The following SETDB1 variants were observed in gnomAD, a reference collection of about 807,000 sequenced individuals.
SETDB1 encodes the protein histone-lysine N-methyltransferase SETDB1.
SETDB1 carries 31 observed loss-of-function variants against 137.4 expected under a neutral mutation model. The ratio of observed to expected loss-of-function variants is 0.23; its 90% CI spans 0.17 to 0.30. The LOEUF (loss-of-function observed/expected upper bound fraction) is 0.30, where lower values mean the gene tolerates loss of function less well. SETDB1 is among the 10% of genes least tolerant of loss of function. The pLI, the probability that SETDB1 is intolerant of heterozygous loss-of-function variation, is 1.00. For missense variants in SETDB1, 1,113 were observed against 1,631.5 expected (o/e 0.68, Z 5.47); for synonymous variants, 548 against 579.9 (o/e 0.95, Z 0.79).
At chr1:150,959,888 A>G (rs1030759559) in intron 15 of SETDB1, among the ~76,000 whole-genome samples, 5 of 152,044 alleles carry the variant, frequency 3.3e-5, no homozygotes, top group Non-Finnish European at 7.4e-5. Context: ...CCTGGCCAAC[A>G]TAGTTGAAAC....
At chr1:150,962,859 G>C in intron 18 of SETDB1, 115 bp from the exon 19 acceptor site, 2 of 1,456,400 alleles carry the variant, frequency 1.4e-6, no homozygotes, top group African/African-American at 2.8e-5. Flanking sequence ...CTTTCATCCA[G>C]CATCTAATCT....
intron 13 of SETDB1, 58 bp downstream of exon 13, chr1:150,951,148 C>G: frequency 6.5e-7 from 1 of 1,532,024 alleles, no homozygotes; most frequent in Non-Finnish European, 8.9e-7. Context: ...GTGTCTGTTT[C>G]ACCTCTTCCT....
Position 150,950,908 on chromosome 1 carries a change from C to T in SETDB1, c.2034C>T (p.Tyr678=), listed in dbSNP as rs757776938. Reference sequence around the variant, plus strand: ...AGTTTCAGCCCTATAAGCCTTTTTACTATATTTTGGACATCACTTATGGGA... The same window carrying T: ...AGTTTCAGCCCTATAAGCCTTTTTATTATATTTTGGACATCACTTATGGGA... The part of the protein sequence containing the change: ...DRKFQPYKPF[Y]YILDITYGKE... Residue 678 remains tyrosine, a synonymous_variant, in exon 13 of 22, where the codon TAC becomes TAT. Transcript: ENST00000692827. The T allele has an allele frequency of 2.5e-6, 4 of 1,614,048 alleles. No individual in the cohort carries two copies. Among genetic ancestry groups the T allele is most frequent in the Non-Finnish European group, 3.4e-6 (4 of 1,179,996 alleles).
At position 150,964,366 on chromosome 1, in the gene SETDB1, G is replaced by C. The variant is rs776189568; in HGVS notation, c.*2G>C. The C allele has an allele frequency of 6.3e-7, 1 of 1,599,852 alleles. No individual in the cohort carries two copies. Among genetic ancestry groups the C allele is most frequent in the Non-Finnish European group, 8.6e-7 (1 of 1,167,214 alleles). Reference sequence around the variant, plus strand: ...GAATGCAGAGGACGTCTTCTTTAGAGGACAGCCTTCTTCCCAACCCTTCTT... The same window carrying C: ...GAATGCAGAGGACGTCTTCTTTAGACGACAGCCTTCTTCCCAACCCTTCTT... On this transcript the variant is annotated 3_prime_UTR_variant, in exon 22 of 22. Transcript: ENST00000692827.
chr1:150,950,467 A>C lies in SETDB1; in HGVS notation c.1593A>C (p.Leu531Phe), dbSNP rs771240739. ...PGINQTYRSP[L>F]GSTASAPAPS... Reference sequence around the variant, plus strand: ...TGCATCTCATTTGCAGATCACCTTTAGGCTCCACAGCCTCTGCCCCAGCAC... The same window carrying C: ...TGCATCTCATTTGCAGATCACCTTTCGGCTCCACAGCCTCTGCCCCAGCAC... Residue 531 changes from leucine (L) to phenylalanine (F), a missense_variant, in exon 13 of 22, where the codon TTA becomes TTC. Physicochemically the swap from Leu to Phe is conservative, Grantham distance 22. Coordinates refer to ENST00000692827, the MANE Select transcript of SETDB1 (RefSeq NM_001366418.1). 1.3e-6 allele frequency: 2 copies of C among 1,594,828 alleles called. No homozygotes were observed. Among genetic ancestry groups the C allele is most frequent in the South Asian group, 2.3e-5 (2 of 88,796 alleles).
chr1:150,939,626 A>G (rs77522380), intron 3 of SETDB1, among the ~76,000 whole-genome samples: 1 of 151,732 alleles, frequency 6.6e-6, no homozygotes, highest in East Asian at 2.0e-4. Flanking sequence ...CGCCTGGCCT[A>G]ATTTTTTTTT....
intron 14 of SETDB1, among the ~76,000 whole-genome samples, chr1:150,955,518 T>A (rs150310721): frequency 6.6e-6 from 1 of 152,208 alleles, no homozygotes; most frequent in Non-Finnish European, 1.5e-5. Context: ...TCCTTCCACT[T>A]TTCTTTGTGT....
intron 9 of SETDB1, among the ~76,000 whole-genome samples, chr1:150,946,250 C>G (rs1009705202): frequency 6.6e-6 from 1 of 151,706 alleles, no homozygotes; most frequent in Non-Finnish European, 1.5e-5. Context: ...AACTCCTGAG[C>G]TCAAGCAGTC....
intron 4 of SETDB1, 120 bp from the exon 5 acceptor site, chr1:150,941,209 G>A: frequency 1.6e-6 from 1 of 606,632 alleles, no homozygotes; most frequent in Non-Finnish European, 3.0e-6. Context: ...GTAACCATAA[G>A]CTTCCAAACA....
Position 150,964,470 on chromosome 1 carries a change from C to A in SETDB1, c.*106C>A, listed in dbSNP as rs1310991915. 5.0e-6 allele frequency: 4 copies of A among 797,666 alleles called. No homozygotes were observed. Among genetic ancestry groups the A allele is most frequent in the Non-Finnish European group, 6.5e-6 (3 of 460,380 alleles). The allele number at this position is 797,666 out of a possible 1,614,324, so 49.4% of individuals were successfully genotyped here. On this transcript the variant is annotated 3_prime_UTR_variant, in exon 22 of 22. Coordinates refer to ENST00000692827, the MANE Select transcript of SETDB1 (RefSeq NM_001366418.1). ...AAGTCTCTGGGCTAGCTACTCCCCC[C>A]AGCTCCTAGTTGATAGAAATGGGGG... is the stretch of plus-strand genomic sequence containing the variant.
chr1:150,936,405 A>G (rs1669946608), intron 3 of SETDB1, among the ~76,000 whole-genome samples: 1 of 152,144 alleles, frequency 6.6e-6, no homozygotes, highest in Non-Finnish European at 1.5e-5. Context: ...TCAGAGTTAC[A>G]TTTAGTTCTG....
At chr1:150,931,656 C>CAAAAAAA (rs10607028) in intron 3 of SETDB1, among the ~76,000 whole-genome samples, 3 of 108,414 alleles carry the variant, frequency 2.8e-5, no homozygotes, top group Non-Finnish European at 5.4e-5. Flanking sequence ...AAAGATAAAC[C>CAAAAAAA]AAAAAAAAAA....
At chr1:150,943,453 A>T (rs1670225120) in intron 7 of SETDB1, among the ~76,000 whole-genome samples, 1 of 152,168 alleles carries the variant, frequency 6.6e-6, no homozygotes, top group Non-Finnish European at 1.5e-5. Flanking sequence ...AAGGCAAGTG[A>T]ATCACCTGAG....
At chr1:150,928,022 T>C in intron 2 of SETDB1, 48 bp downstream of exon 2, 1 of 1,578,742 alleles carries the variant, frequency 6.3e-7, no homozygotes, top group Non-Finnish European at 8.7e-7. Context: ...TTGGGAGATG[T>C]TTTTAGAGAA....
chr1:150,952,056 G>A (rs587697415), intron 14 of SETDB1, among the ~76,000 whole-genome samples: 1 of 152,148 alleles, frequency 6.6e-6, no homozygotes, highest in African/African-American at 2.4e-5. Flanking sequence ...GCTGAGGCAG[G>A]AGAATCGCTT....
chr1:150,954,692 A>G (rs932097424), intron 14 of SETDB1, among the ~76,000 whole-genome samples: 10 of 152,248 alleles, frequency 6.6e-5, no homozygotes, highest in African/African-American at 2.4e-4. Context: ...GAAGCTAGAT[A>G]GCAATTGGAG....
intron 8 of SETDB1, among the ~76,000 whole-genome samples, chr1:150,944,475 C>G (rs1670263120): frequency 6.6e-6 from 1 of 152,192 alleles, no homozygotes. Flanking sequence ...GCAGAAGAAT[C>G]AACTAACACT....
chr1:150,953,449 C>A (rs1031106376), intron 14 of SETDB1, among the ~76,000 whole-genome samples: 4 of 151,662 alleles, frequency 2.6e-5, no homozygotes, highest in African/African-American at 7.3e-5. Context: ...TCACTTGGAC[C>A]CAGGAGGTGG....
intron 13 of SETDB1, 76 bp downstream of exon 13, chr1:150,951,166 G>C (rs1670481222): frequency 6.8e-7 from 1 of 1,460,846 alleles, no homozygotes; most frequent in Non-Finnish European, 9.4e-7. Flanking sequence ...CCTTTGCCTT[G>C]TATCTGTACT....
Sources: gnomAD v4.1 joint callset for allele counts (sites outside exome capture counted in the v4.1 genomes callset) on GRCh38, gnomAD v4.1.1 for gene constraint, MANE v1.5 for transcripts, NCBI Gene and HGNC (gene_info 2026-07-23, HGNC 2026-07-21) for gene names.